The following IL17RD variants were observed in gnomAD, a reference collection of about 807,000 sequenced individuals.
IL17RD encodes interleukin 17 receptor D, also known as interleukin-17 receptor D.
A neutral mutation model predicts 80.5 loss-of-function variants in IL17RD; 52 were observed. The observed-to-expected ratio is 0.65, with a 90% CI of 0.52 to 0.81. IL17RD has a LOEUF of 0.81. IL17RD is among the 40% of genes least tolerant of loss of function. IL17RD has a pLI of 0.00. For synonymous variants in IL17RD, 416 were observed against 391.8 expected (o/e 1.06, Z -0.73); for missense variants, 1,024 against 955.1 (o/e 1.07, Z -0.95).
chr3:57,093,468 G>T lies in IL17RD; in HGVS notation c.*2925C>A, dbSNP rs1020677906. On this transcript the variant is annotated 3_prime_UTR_variant, in exon 13 of 13. Coordinates refer to ENST00000296318, the MANE Select transcript of IL17RD (RefSeq NM_017563.5). The stretch of plus-strand genomic sequence containing the variant: ...GCCCCTTATTTCTTTTAAAAGAAAA[G>T]ATGCTCAACTCTGAAAAAAAGGCTC... 6.6e-6 allele frequency: 1 copy of T among 152,142 alleles called. No individual in the cohort carries two copies. Among genetic ancestry groups the T allele is most frequent in the Non-Finnish European group, 1.5e-5 (1 of 68,024 alleles). 9.4% of individuals were successfully genotyped at this position (152,142 alleles called of 1,614,324 possible). A position where few individuals can be genotyped will look rare whatever the true frequency, so the allele number is the denominator to read the frequency against.
Position 57,097,822 on chromosome 3 carries a change from C to T in IL17RD, c.1881G>A (p.Leu627=), listed in dbSNP as rs540053962. ...DSQHESQHGG[L]DQDGEARPAL... ...CAGGCCGGGCCTCCCCGTCTTGGTC[C>T]AGGCCCCCATGCTGACTCTCGTGCT... is the stretch of plus-strand genomic sequence containing the variant. The change falls in exon 12 of 13, where the codon CTG becomes CTA. Residue 627 remains leucine (L), a synonymous_variant. Coordinates refer to ENST00000296318, the MANE Select transcript of IL17RD (RefSeq NM_017563.5). The T allele has an allele frequency of 3.1e-6, 5 of 1,610,208 alleles. No homozygotes were observed. In the East Asian group the frequency reaches 1.1e-4, roughly 36 times the overall value.
At position 57,127,362 on chromosome 3, in the gene IL17RD, AT is replaced by A. The variant is rs1408736258; in HGVS notation, c.127-7050del. Among the ~76,000 whole-genome samples, 514 of 85,390 alleles carry A rather than the reference AT, an allele frequency of 6.0e-3. 41 individuals carry two copies. Among genetic ancestry groups the A allele is most frequent in the African/African-American group, 0.021 (484 of 23,016 alleles). 56.0% of individuals were successfully genotyped at this position (85,390 alleles called of 152,430 possible). A position where few individuals can be genotyped will look rare whatever the true frequency, so the allele number is the denominator to read the frequency against. On this transcript the variant is annotated intron_variant, in intron 1 of 12. Coordinates refer to ENST00000296318, the MANE Select transcript of IL17RD (RefSeq NM_017563.5). ...AAAATATATATAAATATATATAAAT[AT>A]AAATATATATATATAAATAAATAAA...
At chr3:57,106,918 C>T (rs1465521611) in intron 5 of IL17RD, among the ~76,000 whole-genome samples, 1 of 152,170 alleles carries the variant, frequency 6.6e-6, no homozygotes, top group Non-Finnish European at 1.5e-5. Flanking sequence ...CAAAAAGATA[C>T]ATTGATTCTA....
chr3:57,154,202 T>C (rs754480324), intron 1 of IL17RD, among the ~76,000 whole-genome samples: 32 of 150,946 alleles, frequency 2.1e-4, no homozygotes, highest in Non-Finnish European at 3.1e-4. Context: ...CGAGCTATAA[T>C]TGCATGACTG....
intron 1 of IL17RD, 107 bp from the exon 2 acceptor site, chr3:57,120,420 T>G (rs1227929805): frequency 1.3e-6 from 1 of 765,594 alleles, no homozygotes; most frequent in Non-Finnish European, 2.3e-6. Context: ...CCCAGGGTCA[T>G]GCCAGTCCCC....
At chr3:57,123,184 C>T (rs1707377268) in intron 1 of IL17RD, among the ~76,000 whole-genome samples, 1 of 152,178 alleles carries the variant, frequency 6.6e-6, no homozygotes, top group Non-Finnish European at 1.5e-5. Context: ...GGCATCCATT[C>T]ACTCTCTGCT....
At chr3:57,104,816 A>C (rs553284800) in intron 7 of IL17RD, among the ~76,000 whole-genome samples, 2 of 152,328 alleles carry the variant, frequency 1.3e-5, no homozygotes, top group East Asian at 3.9e-4. Flanking sequence ...GCCAGCAAGG[A>C]GAGCAAACTA....
chr3:57,167,468 CA>C (rs926514799), upstream of IL17RD, among the ~76,000 whole-genome samples: 2 of 152,124 alleles, frequency 1.3e-5, no homozygotes, highest in Non-Finnish European at 2.9e-5. Flanking sequence ...CCATGAGAGT[CA>C]GGGGTGCCAG....
At chr3:57,155,647 A>G (rs1011862336) in intron 1 of IL17RD, among the ~76,000 whole-genome samples, 4 of 152,148 alleles carry the variant, frequency 2.6e-5, no homozygotes, top group African/African-American at 9.7e-5. Flanking sequence ...CTGGAGTACA[A>G]TGGCACGATC....
upstream of IL17RD, chr3:57,169,516 G>A (rs779576955): frequency 1.2e-3 from 257 of 207,796 alleles, no homozygotes; most frequent in Non-Finnish European, 1.9e-3. Flanking sequence ...ATTGGATTTT[G>A]TTAGGGGTCA....
chr3:57,157,688 C>T (rs1289293072), intron 1 of IL17RD, among the ~76,000 whole-genome samples: 1 of 152,210 alleles, frequency 6.6e-6, no homozygotes, highest in African/African-American at 2.4e-5. Flanking sequence ...CTGCATTTTC[C>T]TCAGATAAAA....
chr3:57,098,572 AAGGCTCGGGAAG>A (rs749127127), intron 11 of IL17RD, 34 bp from the exon 12 acceptor site: 24 of 1,425,522 alleles, frequency 1.7e-5, no homozygotes, highest in South Asian at 2.7e-5. Context: ...ACCCATACAG[AAGGCTCGGGAAG>A]AGGCTCGGGA....
Position 57,112,861 on chromosome 3 carries a change from C to G in IL17RD, c.310+1831G>C, listed in dbSNP as rs1355786924. ...CCAGGTTTTCACAAACTTGTAACAT[C>G]AGGTGGCAGTGTCAAAGCGGCAGTC... is the stretch of plus-strand genomic sequence containing the variant. On this transcript the variant is annotated intron_variant, in intron 3 of 12. Transcript: ENST00000296318. Among the ~76,000 whole-genome samples, 4 of 152,204 alleles carry G rather than the reference C, an allele frequency of 2.6e-5. No individual in the cohort carries two copies. In the East Asian group the frequency reaches 7.7e-4, roughly 29 times the overall value.
chr3:57,134,606 C>A, intron 1 of IL17RD: 1 of 1,009,266 alleles, frequency 9.9e-7, no homozygotes, highest in Non-Finnish European at 1.6e-6. Flanking sequence ...TGCAGGCTGA[C>A]CAGGCTAAGG....
At chr3:57,149,634 G>C (rs1385358450) in intron 1 of IL17RD, among the ~76,000 whole-genome samples, 1 of 152,200 alleles carries the variant, frequency 6.6e-6, no homozygotes, top group Non-Finnish European at 1.5e-5. Flanking sequence ...TTCCTTAGTT[G>C]TGCTAGCCAC....
chr3:57,121,961 G>A (rs895358583), intron 1 of IL17RD, among the ~76,000 whole-genome samples: 8 of 152,156 alleles, frequency 5.3e-5, no homozygotes, highest in Admixed American at 3.3e-4. Flanking sequence ...CACTGTCCCC[G>A]CCCTCATGAA....
chr3:57,164,794 G>T, intron 1 of IL17RD: 1 of 696,390 alleles, frequency 1.4e-6, no homozygotes, highest in Non-Finnish European at 1.8e-6. Context: ...GTGGCTCGGG[G>T]GATCCCAGCC....
rs375719216 is a variant in IL17RD, at chr3:57,106,198, T to C, written c.551-44A>G. 4.1e-6 allele frequency: 6 copies of C among 1,471,550 alleles called. No individual in the cohort carries two copies. The African/African-American group carries it at 8.3e-5, about 20-fold the overall frequency. 91.2% of individuals were successfully genotyped at this position (1,471,550 alleles called of 1,614,324 possible). ...TACATGTTTTTAGTTTTAGGACAGT[T>C]AGACATTTTCCTCTCCCAACAACCC... On this transcript the variant is annotated intron_variant, in intron 5 of 12. Coordinates refer to ENST00000296318, the MANE Select transcript of IL17RD (RefSeq NM_017563.5).
chr3:57,146,867 G>A (rs751491923), intron 1 of IL17RD, among the ~76,000 whole-genome samples: 27 of 132,698 alleles, frequency 2.0e-4, no homozygotes, highest in Admixed American at 7.9e-4. Flanking sequence ...GCCCAGACTG[G>A]AGTGCAATGG....
Sources: allele counts gnomAD v4.1 joint callset (sites outside exome capture counted in the v4.1 genomes callset), GRCh38; gene constraint gnomAD v4.1.1; transcripts MANE v1.5; gene names NCBI Gene and HGNC (gene_info 2026-07-23, HGNC 2026-07-21).